PCDH11X: variants seen among roughly 807,000 people sequenced by gnomAD.
PCDH11X encodes protocadherin-11 X-linked.
A neutral mutation model predicts 53.3 loss-of-function variants in PCDH11X; 18 were observed. The ratio of observed to expected loss-of-function variants is 0.34; its 90% confidence interval spans 0.23 to 0.50. PCDH11X has a LOEUF of 0.50. Ranked by LOEUF, PCDH11X falls within the 20% of genes least tolerant of loss-of-function variation. PCDH11X has a pLI of 0.98. For synonymous variants in PCDH11X, 279 were observed against 393.3 expected (o/e 0.71, Z 3.44); for missense variants, 570 against 1,032.4 (o/e 0.55, Z 6.14).
At chrX:92,052,972 G>A (rs1215705562) in intron 6 of PCDH11X, among the ~76,000 whole-genome samples, 2 of 111,358 alleles carry the variant, frequency 1.8e-5, no homozygotes, top group African/African-American at 6.5e-5. Flanking sequence ...ATTAGAAGCA[G>A]AAATATTTCC....
At chrX:92,591,873 G>C (rs892999327) in intron 10 of PCDH11X, among the ~76,000 whole-genome samples, 6 of 110,653 alleles carry the variant, frequency 5.4e-5, no homozygotes, top group African/African-American at 2.0e-4. Context: ...GGGAATCATG[G>C]GGATCATGGG....
intron 1 of PCDH11X, among the ~76,000 whole-genome samples, chrX:91,806,349 C>T (rs1304318306): frequency 1.8e-5 from 2 of 113,389 alleles, no homozygotes; most frequent in Non-Finnish European, 3.7e-5. Context: ...TCTCACCTTT[C>T]ACGGTTGTGA....
intron 8 of PCDH11X, among the ~76,000 whole-genome samples, chrX:92,349,827 A>G (rs935098448): frequency 9.1e-6 from 1 of 109,637 alleles, no homozygotes. Flanking sequence ...ATTTTGTCCA[A>G]TGTAGGCTAA....
At chrX:92,151,234 C>T in intron 6 of PCDH11X, among the ~76,000 whole-genome samples, 1 of 109,567 alleles carries the variant, frequency 9.1e-6, no homozygotes, top group Non-Finnish European at 1.9e-5. Flanking sequence ...GCCCTGTCAC[C>T]CAGGCTGGAG....
At position 92,619,884 on chromosome X, in the gene PCDH11X, T is replaced by A. The variant is rs1318162176; in HGVS notation, c.*944T>A. On this transcript the variant is annotated 3_prime_UTR_variant, in exon 11 of 11. Coordinates refer to ENST00000682573, the MANE Select transcript of PCDH11X (RefSeq NM_032968.5). ...GTCACTTAAAATATCGACGGTAAAC[T>A]ACTATTTTGTAGAGAAACTCAGGAA... 2 of 107,540 alleles carry A rather than the reference T, an allele frequency of 1.9e-5. No individual in the cohort carries two copies. The highest frequency in any genetic ancestry group is 6.8e-5 in the African/African-American group (2 of 29,550). The allele number at this position is 107,540 out of a possible 1,213,427, so 8.9% of individuals were successfully genotyped here. A position where few individuals can be genotyped will look rare whatever the true frequency, so the allele number is the denominator to read the frequency against.
intron 1 of PCDH11X, among the ~76,000 whole-genome samples, chrX:91,804,930 C>T (rs1264021033): frequency 9.9e-6 from 1 of 101,413 alleles, no homozygotes; most frequent in African/African-American, 3.6e-5. Flanking sequence ...TAAATATAAC[C>T]TATAGTAAAA....
chrX:92,395,621 A>G (rs1020094787), intron 9 of PCDH11X, among the ~76,000 whole-genome samples: 5 of 111,059 alleles, frequency 4.5e-5, no homozygotes, highest in African/African-American at 1.6e-4. Flanking sequence ...TTACATGTGC[A>G]GGTGTTGCCT....
intron 6 of PCDH11X, among the ~76,000 whole-genome samples, chrX:92,055,460 T>C (rs1399828074): frequency 2.2e-5 from 2 of 91,938 alleles, no homozygotes; most frequent in Non-Finnish European, 4.3e-5. Flanking sequence ...AGCTCATATA[T>C]GCTACTTGAA....
chrX:92,020,845 C>A (rs1476018206), intron 6 of PCDH11X, among the ~76,000 whole-genome samples: 1 of 111,341 alleles, frequency 9.0e-6, no homozygotes, highest in Non-Finnish European at 1.9e-5. Context: ...GAGGAGCATG[C>A]ACCCATCTTT....
chrX:92,401,455 G>C (rs2071386176), intron 9 of PCDH11X, among the ~76,000 whole-genome samples: 1 of 110,710 alleles, frequency 9.0e-6, no homozygotes, highest in Non-Finnish European at 1.9e-5. Flanking sequence ...TTCATCACAA[G>C]AGTGTTTCAT....
intron 10 of PCDH11X, among the ~76,000 whole-genome samples, chrX:92,481,351 C>T (rs1482521207): frequency 1.8e-5 from 2 of 110,943 alleles, no homozygotes; most frequent in East Asian, 5.7e-4. Flanking sequence ...ACACGGAATG[C>T]AAAAGCCACC....
intron 6 of PCDH11X, among the ~76,000 whole-genome samples, chrX:91,988,480 A>G (rs1320368751): frequency 3.6e-5 from 4 of 111,937 alleles, no homozygotes; most frequent in Admixed American, 2.8e-4. Flanking sequence ...TCTCTCTCAT[A>G]CAAATAACCA....
At chrX:92,402,946 A>G (rs1037338365) in intron 9 of PCDH11X, among the ~76,000 whole-genome samples, 14 of 111,484 alleles carry the variant, frequency 1.3e-4, no homozygotes, top group Middle Eastern at 9.2e-3. Context: ...GTTCTTTTAT[A>G]CGTGTTTATA....
At chrX:92,062,784 G>A (rs1412828072) in intron 6 of PCDH11X, among the ~76,000 whole-genome samples, 1 of 111,512 alleles carries the variant, frequency 9.0e-6, no homozygotes, top group Non-Finnish European at 1.9e-5. Flanking sequence ...GGAAGACAGT[G>A]TGGCGATTCC....
intron 6 of PCDH11X, among the ~76,000 whole-genome samples, chrX:92,090,412 T>G (rs1370180287): frequency 9.0e-6 from 1 of 110,816 alleles, no homozygotes. Context: ...TTGTTTAAAT[T>G]TATAACCTCA....
At chrX:92,000,591 T>C (rs2062493230) in intron 6 of PCDH11X, among the ~76,000 whole-genome samples, 2 of 108,517 alleles carry the variant, frequency 1.8e-5, no homozygotes, top group Non-Finnish European at 3.8e-5. Flanking sequence ...CAATTAAAAA[T>C]TTTAAGTTAT....
intron 6 of PCDH11X, among the ~76,000 whole-genome samples, chrX:92,085,163 G>A (rs1380123657): frequency 9.0e-6 from 1 of 110,639 alleles, no homozygotes; most frequent in African/African-American, 3.3e-5. Flanking sequence ...GCCTCATTTG[G>A]CATGGTCTGA....
At chrX:92,142,370 G>GCGCA (rs1341736624) in intron 6 of PCDH11X, among the ~76,000 whole-genome samples, 13 of 95,571 alleles carry the variant, frequency 1.4e-4, no homozygotes, top group African/African-American at 3.6e-4. Context: ...GTGCGCGCGC[G>GCGCA]CACACACACA....
intron 6 of PCDH11X, among the ~76,000 whole-genome samples, chrX:92,031,874 T>C (rs1048701454): frequency 3.6e-5 from 4 of 112,148 alleles, no homozygotes; most frequent in African/African-American, 1.3e-4. Flanking sequence ...CATGCCATTT[T>C]TGTTACTATA....
Sources: gnomAD v4.1 joint callset for allele counts (sites outside exome capture counted in the v4.1 genomes callset) on GRCh38, gnomAD v4.1.1 for gene constraint, MANE v1.5 for transcripts, NCBI Gene and HGNC (gene_info 2026-07-23, HGNC 2026-07-21) for gene names.